The following PPP1R37 variants were observed in gnomAD, a reference collection of about 807,000 sequenced individuals.
PPP1R37 encodes leucine rich repeat containing 68.
A neutral mutation model predicts 61.0 loss-of-function variants in PPP1R37; 21 were observed. The ratio of observed to expected loss-of-function variants is 0.34; its 90% confidence interval spans 0.24 to 0.50. PPP1R37 has a LOEUF of 0.50. Ranked by LOEUF, PPP1R37 falls within the 20% of genes least tolerant of loss-of-function variation. The pLI is 0.98. For synonymous variants in PPP1R37, 443 were observed against 433.5 expected (o/e 1.02, Z -0.27); for missense variants, 910 against 952.7 (o/e 0.96, Z 0.59).
Position 45,093,182 on chromosome 19 carries a change from G to A in PPP1R37, c.-144G>A. 3.1e-6 allele frequency: 2 copies of A among 642,860 alleles called. No individual in the cohort carries two copies. Among genetic ancestry groups the A allele is most frequent in the Non-Finnish European group, 4.6e-6 (2 of 438,904 alleles). 39.8% of individuals were successfully genotyped at this position (642,860 alleles called of 1,614,324 possible). A position where few individuals can be genotyped will look rare whatever the true frequency, so the allele number is the denominator to read the frequency against. On this transcript the variant is annotated 5_prime_UTR_variant, in exon 1 of 13. Transcript: ENST00000221462. Reference sequence around the variant, plus strand: ...GCGCGCTTGGGCTCCCGGCGGCGACGACTACGACCACTAGGAGAGCGGACG... The same window carrying A: ...GCGCGCTTGGGCTCCCGGCGGCGACAACTACGACCACTAGGAGAGCGGACG...
At chr19:45,109,209 C>T (rs1202215393) in intron 1 of PPP1R37, among the ~76,000 whole-genome samples, 1 of 152,166 alleles carries the variant, frequency 6.6e-6, no homozygotes. Flanking sequence ...TATATTTGTC[C>T]TCATTTATCA....
intron 1 of PPP1R37, among the ~76,000 whole-genome samples, chr19:45,125,815 A>G (rs1209023205): frequency 6.6e-6 from 1 of 152,210 alleles, no homozygotes; most frequent in Non-Finnish European, 1.5e-5. Context: ...AGGCTGGTCC[A>G]CCCAGGGGAA....
chr19:45,131,133 C>G (rs73562265), intron 1 of PPP1R37, among the ~76,000 whole-genome samples: 1 of 152,132 alleles, frequency 6.6e-6, no homozygotes, highest in Non-Finnish European at 1.5e-5. Flanking sequence ...ACCTGATGCC[C>G]GGCGTCAGGT....
chr19:45,109,169 T>C (rs1032743671), intron 1 of PPP1R37, among the ~76,000 whole-genome samples: 2 of 152,366 alleles, frequency 1.3e-5, no homozygotes, highest in East Asian at 3.9e-4. Context: ...GACTCCTCTA[T>C]TGAAGATAGA....
At chr19:45,135,715 C>T (rs1018846147) in intron 1 of PPP1R37, among the ~76,000 whole-genome samples, 3 of 151,648 alleles carry the variant, frequency 2.0e-5, no homozygotes, top group Non-Finnish European at 2.9e-5. Context: ...CCGTGGGCAG[C>T]GCTGCTCTGT....
chr19:45,100,657 A>G (rs965987651), intron 1 of PPP1R37, among the ~76,000 whole-genome samples: 2 of 152,226 alleles, frequency 1.3e-5, no homozygotes, highest in African/African-American at 4.8e-5. Flanking sequence ...GCTTGGACGC[A>G]TTCGGTGCAA....
rs1317605638 is a variant in PPP1R37 at position 45,130,943 on chromosome 19, G to A, written c.203-7571G>A. On this transcript the variant is annotated intron_variant, in intron 1 of 12. Coordinates refer to ENST00000221462, the MANE Select transcript of PPP1R37 (RefSeq NM_019121.2). The surrounding 1 kb of genome is among the most constrained non-coding windows in gnomAD (Gnocchi z 4.4). Reference sequence around the variant, plus strand: ...CCCACTGTGTCCCCCAGCCCGCACAGTGTTGCTTCCTGGTGTTTTGACTCC... The same window carrying A: ...CCCACTGTGTCCCCCAGCCCGCACAATGTTGCTTCCTGGTGTTTTGACTCC... Among the ~76,000 whole-genome samples the A allele has an allele frequency of 6.6e-6, 1 of 151,992 alleles. No individual in the cohort carries two copies.
At position 45,100,945 on chromosome 19, in the gene PPP1R37, G is replaced by C. The variant is rs924814672; in HGVS notation, c.202+7418G>C. On this transcript the variant is annotated intron_variant, in intron 1 of 12. Coordinates refer to ENST00000221462, the MANE Select transcript of PPP1R37 (RefSeq NM_019121.2). ...CTACTCAGTGTCTGGTATGTGATAG[G>C]CGCTCAATATATTCTTGCTGCGTGA... Among the ~76,000 whole-genome samples, 4 of 152,198 alleles carry C rather than the reference G, an allele frequency of 2.6e-5. No individual in the cohort carries two copies. In the East Asian group the frequency reaches 7.7e-4, roughly 29 times the overall value.
At chr19:45,118,913 G>A (rs1968303755) in intron 1 of PPP1R37, among the ~76,000 whole-genome samples, 1 of 151,830 alleles carries the variant, frequency 6.6e-6, no homozygotes, top group Non-Finnish European at 1.5e-5. Context: ...CGGCCCACCT[G>A]CCGCCTCTGG....
chr19:45,119,593 C>T (rs942759704), intron 1 of PPP1R37, among the ~76,000 whole-genome samples: 8 of 152,236 alleles, frequency 5.3e-5, no homozygotes, highest in Non-Finnish European at 8.8e-5. Flanking sequence ...GCCACTCTCA[C>T]CTGCATTATT....
rs1295405617 is a variant in PPP1R37, at chr19:45,145,161, C to T, written c.1197C>T (p.Asn399=). ...TCCTGAGACTGGACCTTCGGGAGAACGAGATCAAGACAGGCGGGCTCATGG... is the reference window on the plus strand; with the variant it reads ...TCCTGAGACTGGACCTTCGGGAGAATGAGATCAAGACAGGCGGGCTCATGG... ...PRLLRLDLRE[N]EIKTGGLMAL... Residue 399 remains asparagine, a synonymous_variant, in exon 10 of 13, where the codon AAC becomes AAT. Coordinates refer to ENST00000221462, the MANE Select transcript of PPP1R37 (RefSeq NM_019121.2). 1 of 1,535,202 alleles carries T rather than the reference C, an allele frequency of 6.5e-7. No individual in the cohort carries two copies. Among genetic ancestry groups the T allele is most frequent in the South Asian group, 1.2e-5 (1 of 84,050 alleles).
At chr19:45,133,993 A>G (rs1968508625) in intron 1 of PPP1R37, among the ~76,000 whole-genome samples, 1 of 151,994 alleles carries the variant, frequency 6.6e-6, no homozygotes. Flanking sequence ...AGTTATTTTG[A>G]CCCACGCCTG....
In PPP1R37 at chr19:45,144,853, G is replaced by A; in HGVS notation, c.988-1G>A. 3 of 1,528,582 alleles carry A rather than the reference G, an allele frequency of 2.0e-6. No individual in the cohort carries two copies. The highest frequency in any genetic ancestry group is 2.6e-6 in the Non-Finnish European group (3 of 1,142,676). The allele number at this position is 1,528,582 out of a possible 1,614,324, so 94.7% of individuals were successfully genotyped here. ...CTCACCCTCACACCCCCTCCCTCCA[G>A]CCGCACACTCAGAGCCTGGAGACGC... On this transcript the variant is annotated splice_acceptor_variant, in intron 8 of 12. Transcript: ENST00000221462. LOFTEE classifies it high-confidence loss of function.
intron 1 of PPP1R37, among the ~76,000 whole-genome samples, chr19:45,114,852 G>A (rs1968244897): frequency 1.3e-5 from 2 of 151,888 alleles, no homozygotes; most frequent in Non-Finnish European, 2.9e-5. Context: ...AGTCACTAGT[G>A]TCCTCAGATG....
chr19:45,146,196 C>T, intron 11 of PPP1R37, 147 bp downstream of exon 11: 4 of 1,002,100 alleles, frequency 4.0e-6, no homozygotes, highest in South Asian at 1.7e-5. Flanking sequence ...TTCTCATCTC[C>T]ACCCTGCTTC....
At chr19:45,104,200 G>A (rs1414754177) in intron 1 of PPP1R37, among the ~76,000 whole-genome samples, 4 of 152,148 alleles carry the variant, frequency 2.6e-5, no homozygotes, top group African/African-American at 9.7e-5. Context: ...GCTCTGCTCC[G>A]CTCGTCTGGG....
At chr19:45,119,776 CAT>C (rs1348558043) in intron 1 of PPP1R37, among the ~76,000 whole-genome samples, 3 of 152,162 alleles carry the variant, frequency 2.0e-5, no homozygotes, top group African/African-American at 4.8e-5. Flanking sequence ...GCTCTGCACA[CAT>C]GAGAGGTGGT....
Position 45,142,146 on chromosome 19 carries a change from G to T in PPP1R37, c.653G>T (p.Arg218Leu). 6.5e-7 allele frequency: 1 copy of T among 1,535,108 alleles called. No homozygotes were observed. Among genetic ancestry groups the T allele is most frequent in the Non-Finnish European group, 8.7e-7 (1 of 1,146,462 alleles). Residue 218 changes from arginine (R) to leucine (L), a missense_variant, in exon 6 of 13, where the codon CGC becomes CTC. By Grantham distance (102) the Arg-to-Leu change is moderately radical. This residue lies in a region of PPP1R37 where 280 missense variants were observed against 382.2 expected (regional missense o/e 0.73). Coordinates refer to ENST00000221462, the MANE Select transcript of PPP1R37 (RefSeq NM_019121.2). ...APFVARALRI[R>L]SSLAVLHLEN... is the part of the protein sequence containing the mutation. ...TTCGTGGCCCGTGCCCTGCGCATCC[G>T]CAGCAGCCTGGCAGTGCTGCACTTG...
chr19:45,103,309 C>G (rs1349699154), intron 1 of PPP1R37, among the ~76,000 whole-genome samples: 2 of 152,218 alleles, frequency 1.3e-5, no homozygotes, highest in African/African-American at 4.8e-5. Flanking sequence ...TTGCCCAGCG[C>G]CCATCTCACT....
Sources: allele counts gnomAD v4.1 joint callset (sites outside exome capture counted in the v4.1 genomes callset), GRCh38; gene constraint gnomAD v4.1.1; regional missense constraint gnomAD v4.1.1; non-coding constraint Gnocchi (gnomAD v3.1); transcripts MANE v1.5; gene names NCBI Gene and HGNC (gene_info 2026-07-23, HGNC 2026-07-21).